Variants in FGL1 observed in about 807,000 individuals in gnomAD.
The protein encoded by FGL1 is fibrinogen-like protein 1.
A neutral mutation model predicts 43.7 loss-of-function variants in FGL1; 59 were observed. The observed-to-expected ratio is 1.35, with a 90% CI of 1.10 to 1.68. FGL1 has a LOEUF of 1.68. Ranked by LOEUF, FGL1 falls within the 40% of genes most tolerant of loss-of-function variation. The pLI is 0.00. For synonymous variants in FGL1, 192 were observed against 126.5 expected (o/e 1.52, Z -3.48); for missense variants, 596 against 373.0 (o/e 1.60, Z -4.92).
In FGL1 at chr8:17,874,346, A is replaced by G. The variant is rs765287617; in HGVS notation, c.404+16T>C. On this transcript the variant is annotated intron_variant, in intron 4 of 7. Transcript: ENST00000427924. Reference sequence around the variant, plus strand: ...TTTGCTGCTACATATAAAGTCTTACATCATAATTAGCACACCTGTTAAAGT... The same window carrying G: ...TTTGCTGCTACATATAAAGTCTTACGTCATAATTAGCACACCTGTTAAAGT... 33 of 1,608,510 alleles carry G rather than the reference A, an allele frequency of 2.1e-5. No individual in the cohort carries two copies. The highest frequency in any genetic ancestry group is 4.0e-5 in the African/African-American group (3 of 74,678).
At chr8:17,892,752 T>C (rs1377934168) in intron 1 of FGL1, among the ~76,000 whole-genome samples, 1 of 152,216 alleles carries the variant, frequency 6.6e-6, no homozygotes, top group Non-Finnish European at 1.5e-5. Flanking sequence ...CCAGATAATA[T>C]TCAGGAGTCA....
At chr8:17,883,691 T>A (rs2174000) in intron 2 of FGL1, among the ~76,000 whole-genome samples, 5,377 of 145,452 alleles carry the variant, frequency 0.037, 358 homozygotes, top group African/African-American at 0.13. Flanking sequence ...TATATATATT[T>A]TTTATATATA....
intron 3 of FGL1, among the ~76,000 whole-genome samples, chr8:17,878,867 G>A (rs2053494846): frequency 6.6e-6 from 1 of 150,948 alleles, no homozygotes; most frequent in Admixed American, 6.6e-5. Flanking sequence ...TAAACTTTGA[G>A]GTGAACAAGT....
chr8:17,894,411 T>A (rs921405309), intron 1 of FGL1, among the ~76,000 whole-genome samples: 2 of 147,082 alleles, frequency 1.4e-5, no homozygotes, highest in Non-Finnish European at 3.0e-5. Context: ...AATTTTTTCC[T>A]CTTTCTGAAA....
Position 17,882,192 on chromosome 8 carries a change from T to A in FGL1, c.64-13A>T, listed in dbSNP as rs767531547. On this transcript the variant is annotated splice_polypyrimidine_tract_variant and intron_variant, in intron 2 of 7. Transcript: ENST00000427924. ...AGTCCTCGAGCGCCTGCAAAACAGG[T>A]GAGATGAGATGAGTATGCACCTCAT... 143 of 1,608,908 alleles carry A rather than the reference T, an allele frequency of 8.9e-5. 2 individuals carry two copies. The highest frequency in any genetic ancestry group is 1.1e-4 in the Non-Finnish European group (129 of 1,178,122).
intron 5 of FGL1, 36 bp downstream of exon 5, chr8:17,873,983 A>G (rs751443993): frequency 1.4e-6 from 2 of 1,456,254 alleles, no homozygotes; most frequent in South Asian, 2.7e-5. Context: ...TGTTTTTATT[A>G]TATTTCAAAT....
intron 1 of FGL1, among the ~76,000 whole-genome samples, chr8:17,892,431 A>G (rs1411709001): frequency 6.6e-6 from 1 of 152,170 alleles, no homozygotes; most frequent in East Asian, 1.9e-4. Context: ...AGAGGAAGTG[A>G]CATCATTCAG....
intron 3 of FGL1, among the ~76,000 whole-genome samples, chr8:17,878,667 A>T (rs2653401): frequency 0.72 from 110,210 of 152,082 alleles, 40,486 homozygotes; most frequent in Non-Finnish European, 0.79. Context: ...TCATGTGCCT[A>T]GTGCATTGTT....
rs754874876 is a variant in FGL1 at position 17,874,363 on chromosome 8, TGTTAAA to T, written c.397_402del (p.Phe133_Asn134del). The T allele has an allele frequency of 2.5e-6, 4 of 1,612,338 alleles. No individual in the cohort carries two copies. The Admixed American group carries it at 5.0e-5, about 20-fold the overall frequency. ...AGTCTTACATCATAATTAGCACACC[TGTTAAA>T]GTTTTCACTGCCATCAGATCGTCTC... On this transcript the variant is annotated inframe_deletion and splice_region_variant, in exon 4 of 8. Transcript: ENST00000427924.
intron 3 of FGL1, among the ~76,000 whole-genome samples, chr8:17,879,111 GA>G (rs1414128961): frequency 2.0e-5 from 3 of 150,972 alleles, no homozygotes; most frequent in African/African-American, 7.3e-5. Flanking sequence ...ACTGAATTCT[GA>G]TTTTTTTGGC....
chr8:17,864,818 T>C (rs2053245924), intron 7 of FGL1, 67 bp from the exon 8 acceptor site: 1 of 1,271,890 alleles, frequency 7.9e-7, no homozygotes, highest in Admixed American at 3.7e-5. Context: ...AGAATCCCTT[T>C]TATTTTGCTA....
chr8:17,873,220 T>C (rs1244877405), intron 5 of FGL1, among the ~76,000 whole-genome samples: 4 of 152,174 alleles, frequency 2.6e-5, no homozygotes, highest in Non-Finnish European at 5.9e-5. Context: ...CTTTCACCAA[T>C]AGAAGAAAAA....
intron 7 of FGL1, among the ~76,000 whole-genome samples, chr8:17,866,585 G>C (rs2053273399): frequency 6.6e-6 from 1 of 152,172 alleles, no homozygotes; most frequent in South Asian, 2.1e-4. Flanking sequence ...TTGATTCCAA[G>C]GATAATGTGG....
At chr8:17,873,274 T>C (rs1469126583) in intron 5 of FGL1, among the ~76,000 whole-genome samples, 3 of 152,174 alleles carry the variant, frequency 2.0e-5, no homozygotes, top group Admixed American at 2.0e-4. Context: ...GAGACTTATA[T>C]ACATCCACTC....
At chr8:17,886,040 C>T (rs576178070) in intron 1 of FGL1, among the ~76,000 whole-genome samples, 1 of 152,302 alleles carries the variant, frequency 6.6e-6, no homozygotes, top group South Asian at 2.1e-4. Flanking sequence ...AGGCGTGAGC[C>T]ACTGCCTAGA....
intron 7 of FGL1, 61 bp downstream of exon 7, chr8:17,868,487 T>C: frequency 4.0e-6 from 5 of 1,246,940 alleles, no homozygotes; most frequent in Middle Eastern, 2.0e-4. Flanking sequence ...ATATTGATAA[T>C]TAATGTCTAT....
chr8:17,892,887 G>A (rs1442862774), intron 1 of FGL1, among the ~76,000 whole-genome samples: 2 of 152,136 alleles, frequency 1.3e-5, no homozygotes, highest in African/African-American at 2.4e-5. Flanking sequence ...TATTTCAGAA[G>A]TGAATAAATT....
chr8:17,881,138 A>ATTTTTTTT lies in FGL1; in HGVS notation c.244+853_244+860dup, dbSNP rs34570292. Among the ~76,000 whole-genome samples, 29 of 142,958 alleles carry ATTTTTTTT rather than the reference A, an allele frequency of 2.0e-4. 1 individual carries two copies. The highest frequency in any genetic ancestry group is 7.6e-4 in the African/African-American group (28 of 36,854). 93.8% of individuals were successfully genotyped at this position (142,958 alleles called of 152,430 possible). A position where few individuals can be genotyped will look rare whatever the true frequency, so the allele number is the denominator to read the frequency against. On this transcript the variant is annotated intron_variant, in intron 3 of 7. Coordinates refer to ENST00000427924, the MANE Select transcript of FGL1 (RefSeq NM_004467.4). The stretch of plus-strand genomic sequence containing the variant: ...ATTGTAATCTGCCATGTGTACACGG[A>ATTTTTTTT]TTTTTTTTTTTTTTTTGAGACAGAG...
Position 17,874,494 on chromosome 8 carries a change from T to G in FGL1, c.272A>C (p.Tyr91Ser). ...ADCSEIFNDGYKLSGFYKIKP... is the reference protein window; with the variant it reads ...ADCSEIFNDGSKLSGFYKIKP... ...GATTTTGTAAAATCCACTGAGCTTA[T>G]ACCCATCATTGAAAATCTCTGAACA... The change falls in exon 4 of 8, where the codon TAT (tyrosine) becomes TCT (serine). Residue 91 changes from tyrosine to serine, a missense_variant. Transcript: ENST00000427924. 1.2e-6 allele frequency: 2 copies of G among 1,609,160 alleles called. No individual in the cohort carries two copies. Among genetic ancestry groups the G allele is most frequent in the Non-Finnish European group, 1.7e-6 (2 of 1,177,958 alleles).
Sources: gnomAD v4.1 joint callset for allele counts (sites outside exome capture counted in the v4.1 genomes callset) on GRCh38, gnomAD v4.1.1 for gene constraint, MANE v1.5 for transcripts, NCBI Gene and HGNC (gene_info 2026-07-23, HGNC 2026-07-21) for gene names.